The following FLVCR1 variants were observed in gnomAD, a reference collection of about 807,000 sequenced individuals.
FLVCR1 encodes the protein choline/ethanolamine transporter FLVCR1.
A neutral mutation model predicts 53.6 loss-of-function variants in FLVCR1; 34 were observed. That is an observed-to-expected ratio of 0.63 (90% confidence interval 0.48 to 0.84). The LOEUF is 0.84. Among genes scored for constraint, FLVCR1 ranks in the 40% least tolerant of loss-of-function variants. The probability of loss-of-function intolerance (pLI) is 0.00; values close to 1 mark genes in which losing one functional copy is unlikely to be tolerated. For synonymous variants in FLVCR1, 300 were observed against 286.3 expected (o/e 1.05, Z -0.48); for missense variants, 677 against 696.7 (o/e 0.97, Z 0.32).
chr1:212,864,757 T>C (rs1162247688), intron 2 of FLVCR1, among the ~76,000 whole-genome samples: 1 of 152,216 alleles, frequency 6.6e-6, no homozygotes, highest in African/African-American at 2.4e-5. Flanking sequence ...GTTTTTACAA[T>C]GGCTATAATA....
At position 212,858,512 on chromosome 1, in the gene FLVCR1, A is replaced by C. The variant is rs1664093399; in HGVS notation, c.60A>C (p.Lys20Asn). The C allele has an allele frequency of 2.8e-6, 4 of 1,451,430 alleles. No homozygotes were observed. The East Asian group carries it at 1.0e-4, about 36-fold the overall frequency. The allele number at this position is 1,451,430 out of a possible 1,614,324, so 89.9% of individuals were successfully genotyped here. A position where few individuals can be genotyped will look rare whatever the true frequency, so the allele number is the denominator to read the frequency against. Residue 20 changes from lysine (K) to asparagine (N), a missense_variant, in exon 1 of 10, where the codon AAA (lysine) becomes AAC (asparagine). By Grantham distance (94) the Lys-to-Asn change is moderately conservative. Transcript: ENST00000366971. The part of the protein sequence containing the change: ...AAVAPGHPLA[K>N]GYLPLPRGAP... ...TGGCGCCCGGACACCCGCTCGCGAA[A>C]GGATACCTCCCGTTGCCGAGGGGCG... is the stretch of plus-strand genomic sequence containing the variant.
chr1:212,885,114 G>A (rs1414651812), intron 4 of FLVCR1, among the ~76,000 whole-genome samples, 179 bp from the exon 5 acceptor site: 1 of 151,956 alleles, frequency 6.6e-6, no homozygotes, highest in Non-Finnish European at 1.5e-5. Flanking sequence ...AAAATATAAT[G>A]CTTTTATATA....
At position 212,859,136 on chromosome 1, in the gene FLVCR1, G is replaced by A. The variant is rs1209261354; in HGVS notation, c.684G>A (p.Trp228Ter). Residue 228 changes from tryptophan to a stop codon, truncating the protein, a stop_gained, in exon 1 of 10, where the codon TGG (tryptophan) becomes TGA (stop). Transcript: ENST00000366971. LOFTEE classifies it high-confidence loss of function. ...TGCCCTCCCGCATCGCCTCAGTGTG[G>A]TTTGGGCCCAAAGAGGTGTCCACAG... ...LGLPSRIASVWFGPKEVSTAC... is the reference protein window; with the variant it reads ...LGLPSRIASV 6.2e-7 allele frequency: 1 copy of A among 1,613,886 alleles called. No homozygotes were observed. Among genetic ancestry groups the A allele is most frequent in the East Asian group, 2.2e-5 (1 of 44,890 alleles).
Position 212,894,974 on chromosome 1 carries a change from CCT to C in FLVCR1, c.1526-9_1526-8del, listed in dbSNP as rs1229543131. Reference sequence around the variant, plus strand: ...TAACAGTTTATAGTAACTTGATGCCCCTCTGTTTCAGCATTAATCAAGTCTGA... The same window carrying C: ...TAACAGTTTATAGTAACTTGATGCCCCTGTTTCAGCATTAATCAAGTCTGA... On this transcript the variant is annotated splice_polypyrimidine_tract_variant and intron_variant, in intron 8 of 9. Transcript: ENST00000366971. The C allele has an allele frequency of 4.4e-6, 7 of 1,582,556 alleles. No individual in the cohort carries two copies. In the East Asian group the frequency reaches 6.7e-5, roughly 15 times the overall value.
intron 3 of FLVCR1, among the ~76,000 whole-genome samples, chr1:212,875,944 T>C (rs1226919473): frequency 6.6e-6 from 1 of 150,470 alleles, no homozygotes; most frequent in Non-Finnish European, 1.5e-5. Flanking sequence ...TGGAGTGCAG[T>C]GGCGTGATCT....
chr1:212,862,347 G>A (rs1664271244), intron 1 of FLVCR1, among the ~76,000 whole-genome samples: 1 of 152,034 alleles, frequency 6.6e-6, no homozygotes, highest in African/African-American at 2.4e-5. Flanking sequence ...CCCTCCCCTA[G>A]CCTGTGGCAA....
intron 8 of FLVCR1, among the ~76,000 whole-genome samples, chr1:212,894,469 G>A (rs902942904): frequency 6.6e-6 from 1 of 152,118 alleles, no homozygotes; most frequent in African/African-American, 2.4e-5. Flanking sequence ...ACTCTTTTGT[G>A]GTGATCTGGA....
At position 212,889,246 on chromosome 1, in the gene FLVCR1, T is replaced by G; in HGVS notation, c.1514T>G (p.Ile505Ser). The change falls in exon 8 of 10, where the codon ATC (isoleucine) becomes AGC (serine). Residue 505 changes from isoleucine (I) to serine (S), a missense_variant. Coordinates refer to ENST00000366971, the MANE Select transcript of FLVCR1 (RefSeq NM_014053.4). ...IFLCVWMFIGIILTALIKSDL... is the reference protein window; with the variant it reads ...IFLCVWMFIGSILTALIKSDL... ...CTCTGTGTCTGGATGTTTATAGGCATCATATTAACAGGTAAATTAGGGCGT... is the reference window on the plus strand; with the variant it reads ...CTCTGTGTCTGGATGTTTATAGGCAGCATATTAACAGGTAAATTAGGGCGT... The G allele has an allele frequency of 3.1e-6, 5 of 1,605,556 alleles. No homozygotes were observed. The highest frequency in any genetic ancestry group is 4.3e-6 in the Non-Finnish European group (5 of 1,172,190).
In FLVCR1 at chr1:212,885,321, G is replaced by C. The variant is rs777639476; in HGVS notation, c.1121G>C (p.Gly374Ala). The part of the protein sequence containing the change: ...EGEEVNAGRI[G>A]LTLVVAGMVG... Reference sequence around the variant, plus strand: ...GAAGAAGTCAATGCTGGAAGGATTGGGCTAACGCTAGTAGTAGCTGGAATG... The same window carrying C: ...GAAGAAGTCAATGCTGGAAGGATTGCGCTAACGCTAGTAGTAGCTGGAATG... The change falls in exon 5 of 10, where the codon GGG becomes GCG. Residue 374 changes from glycine (G) to alanine (A), a missense_variant. Coordinates refer to ENST00000366971, the MANE Select transcript of FLVCR1 (RefSeq NM_014053.4). 6.2e-7 allele frequency: 1 copy of C among 1,613,880 alleles called. No individual in the cohort carries two copies. Among genetic ancestry groups the C allele is most frequent in the African/African-American group, 1.3e-5 (1 of 74,884 alleles).
intron 3 of FLVCR1, among the ~76,000 whole-genome samples, chr1:212,874,067 G>A (rs1485805875): frequency 2.0e-5 from 3 of 152,134 alleles, no homozygotes; most frequent in African/African-American, 7.2e-5. Context: ...GAGTGCAGTG[G>A]CACAATCTCA....
chr1:212,872,908 A>G, intron 3 of FLVCR1, 90 bp downstream of exon 3: 1 of 1,403,844 alleles, frequency 7.1e-7, no homozygotes, highest in Non-Finnish European at 1.0e-6. Flanking sequence ...TTTGAACTTC[A>G]ATGAGATTGG....
intron 3 of FLVCR1, among the ~76,000 whole-genome samples, chr1:212,881,605 C>T (rs1303028407): frequency 1.3e-5 from 2 of 152,152 alleles, no homozygotes; most frequent in African/African-American, 4.8e-5. Context: ...TCGTGATCCA[C>T]CTGCCTCAGC....
At chr1:212,874,526 C>T (rs141158022) in intron 3 of FLVCR1, among the ~76,000 whole-genome samples, 31 of 120,832 alleles carry the variant, frequency 2.6e-4, no homozygotes, top group Middle Eastern at 8.7e-3. Flanking sequence ...TTCTTTTTTT[C>T]TTTTTTTTTT....
At chr1:212,883,492 A>G in intron 4 of FLVCR1, 54 bp downstream of exon 4, 1 of 964,080 alleles carries the variant, frequency 1.0e-6, no homozygotes, top group East Asian at 2.4e-5. Flanking sequence ...TTTCTTTAGC[A>G]ATATAATTGT....
In FLVCR1 at chr1:212,858,721, C is replaced by G; in HGVS notation, c.269C>G (p.Thr90Ser). The G allele has an allele frequency of 1.2e-6, 2 of 1,606,246 alleles. No individual in the cohort carries two copies. The highest frequency in any genetic ancestry group is 2.2e-5 in the South Asian group (2 of 90,438). Residue 90 changes from threonine (T) to serine (S), a missense_variant, in exon 1 of 10, where the codon ACC becomes AGC. Coordinates refer to ENST00000366971, the MANE Select transcript of FLVCR1 (RefSeq NM_014053.4). ...RLLPAGAGAETPGAESSPLPL... is the reference protein window; with the variant it reads ...RLLPAGAGAESPGAESSPLPL... ...CTGCCTGCGGGCGCGGGAGCTGAGA[C>G]CCCGGGGGCCGAGAGCAGCCCGCTG... is the stretch of plus-strand genomic sequence containing the variant.
At position 212,858,470 on chromosome 1, in the gene FLVCR1, T is replaced by A. The variant is rs1029247819; in HGVS notation, c.18T>A (p.Asp6Glu). The A allele has an allele frequency of 1.0e-5, 15 of 1,439,594 alleles. No individual in the cohort carries two copies. The highest frequency in any genetic ancestry group is 1.3e-5 in the Non-Finnish European group (14 of 1,101,728). 89.2% of individuals were successfully genotyped at this position (1,439,594 alleles called of 1,614,324 possible). A position where few individuals can be genotyped will look rare whatever the true frequency, so the allele number is the denominator to read the frequency against. Reference sequence around the variant, plus strand: ...CCTGGGATATGGCGCGGCCAGACGATGAGGAGGGGGCGGCGGTGGCGCCCG... The same window carrying A: ...CCTGGGATATGGCGCGGCCAGACGAAGAGGAGGGGGCGGCGGTGGCGCCCG... MARPD[D>E]EEGAAVAPGH... Residue 6 changes from aspartate (D) to glutamate (E), a missense_variant, in exon 1 of 10, where the codon GAT becomes GAA. Physicochemically the swap from Asp to Glu is conservative, Grantham distance 45. Transcript: ENST00000366971.
At chr1:212,884,830 T>C (rs925770377) in intron 4 of FLVCR1, among the ~76,000 whole-genome samples, 9 of 152,216 alleles carry the variant, frequency 5.9e-5, no homozygotes, top group African/African-American at 1.9e-4. Context: ...TAACATGTTA[T>C]GCTACTGAAT....
intron 3 of FLVCR1, 127 bp from the exon 4 acceptor site, chr1:212,883,244 A>C: frequency 3.0e-6 from 2 of 666,026 alleles, no homozygotes; most frequent in South Asian, 3.5e-5. Flanking sequence ...TGTGTTAAGA[A>C]ATGTATTTCC....
At position 212,858,291 on chromosome 1, in the gene FLVCR1, A is replaced by T; in HGVS notation, c.-162A>T. 1.4e-6 allele frequency: 1 copy of T among 697,730 alleles called. No homozygotes were observed. Among genetic ancestry groups the T allele is most frequent in the Non-Finnish European group, 2.2e-6 (1 of 445,288 alleles). 43.2% of individuals were successfully genotyped at this position (697,730 alleles called of 1,614,324 possible). A position where few individuals can be genotyped will look rare whatever the true frequency, so the allele number is the denominator to read the frequency against. On this transcript the variant is annotated 5_prime_UTR_variant, in exon 1 of 10. Coordinates refer to ENST00000366971, the MANE Select transcript of FLVCR1 (RefSeq NM_014053.4). The stretch of plus-strand genomic sequence containing the variant: ...CGGGGGAGGAGACCTTCATCTGTTC[A>T]CGCGGTAGCGCGGATTGCGGTTCGC...
Sources: allele counts gnomAD v4.1 joint callset (sites outside exome capture counted in the v4.1 genomes callset), GRCh38; gene constraint gnomAD v4.1.1; transcripts MANE v1.5; gene names NCBI Gene and HGNC (gene_info 2026-07-23, HGNC 2026-07-21).